Variants in PLAC1 observed in about 807,000 individuals in gnomAD.
The protein encoded by PLAC1 is placenta associated 1.
For synonymous variants in PLAC1, 68 were observed against 62.1 expected (o/e 1.09, Z -0.44); for missense variants, 136 against 163.2 (o/e 0.83, Z 0.91).
At chrX:134,722,860 T>A (rs1461315379) in intron 2 of PLAC1, among the ~76,000 whole-genome samples, 2 of 110,006 alleles carry the variant, frequency 1.8e-5, no homozygotes, top group African/African-American at 6.6e-5. Flanking sequence ...AAATTAGAAA[T>A]AGAATTGATG....
intron 1 of PLAC1, among the ~76,000 whole-genome samples, chrX:134,608,837 G>A (rs754959877): frequency 2.4e-3 from 257 of 108,886 alleles, no homozygotes; most frequent in Non-Finnish European, 4.2e-3. Flanking sequence ...CACCATGTCC[G>A]GCTAATTTTT....
At chrX:134,603,284 TATATATATATATATATATATATATATATA>T (rs1396565201) in intron 1 of PLAC1, among the ~76,000 whole-genome samples, 8 of 2,215 alleles carry the variant, frequency 3.6e-3, no homozygotes, top group African/African-American at 8.2e-3. Flanking sequence ...TATATATATA[TATATATATATATATATATATATATATATA>T]TTTTTTTTTT....
At chrX:134,656,121 A>G (rs1371509809) in intron 1 of PLAC1, among the ~76,000 whole-genome samples, 1 of 112,226 alleles carries the variant, frequency 8.9e-6, no homozygotes, top group Non-Finnish European at 1.9e-5. Context: ...CTGTGAATAT[A>G]GAAAACACAC....
At chrX:134,684,703 G>A (rs748304182) in intron 2 of PLAC1, among the ~76,000 whole-genome samples, 4 of 111,850 alleles carry the variant, frequency 3.6e-5, no homozygotes, top group African/African-American at 1.3e-4. Flanking sequence ...GCAAGGGACT[G>A]TGCAGTTTCC....
intron 2 of PLAC1, among the ~76,000 whole-genome samples, chrX:134,677,532 A>G (rs949638241): frequency 8.1e-5 from 9 of 110,948 alleles, no homozygotes; most frequent in Non-Finnish European, 1.7e-4. Context: ...AAACCATATT[A>G]CCACCTAGAG....
chrX:134,746,097 A>G (rs2078728434), intron 1 of PLAC1, among the ~76,000 whole-genome samples: 1 of 112,450 alleles, frequency 8.9e-6, no homozygotes, highest in East Asian at 2.8e-4. Flanking sequence ...GTTGAGGATA[A>G]CACACATTGA....
chrX:134,586,839 T>TTGTGTGTGTGTA lies in PLAC1; in HGVS notation c.-59+15211_-59+15212insTACACACACACA, dbSNP rs1556045718. Among the ~76,000 whole-genome samples the TTGTGTGTGTGTA allele has an allele frequency of 4.3e-3, 327 of 76,640 alleles. 2 individuals are homozygous for TTGTGTGTGTGTA. The highest frequency in any genetic ancestry group is 0.015 in the African/African-American group (316 of 21,592). 66.6% of individuals were successfully genotyped at this position (76,640 alleles called of 115,157 possible). A position where few individuals can be genotyped will look rare whatever the true frequency, so the allele number is the denominator to read the frequency against. On this transcript the variant is annotated intron_variant, in intron 2 of 2. Coordinates refer to ENST00000359237, the MANE Select transcript of PLAC1 (RefSeq NM_021796.4). ...GTGTGCACTACCACGCCCAGCTAAT[T>TTGTGTGTGTGTA]TGTGTGTGTGTGTGTGTGTGTGTGT...
At chrX:134,574,335 C>T (rs918789181) in intron 2 of PLAC1, among the ~76,000 whole-genome samples, 1 of 112,285 alleles carries the variant, frequency 8.9e-6, no homozygotes, top group African/African-American at 3.2e-5. Context: ...TAATGAATGA[C>T]CACCAGAAAT....
chrX:134,675,322 TC>T (rs1391086367), intron 2 of PLAC1, among the ~76,000 whole-genome samples: 5 of 112,416 alleles, frequency 4.4e-5, no homozygotes, highest in Non-Finnish European at 9.4e-5. Context: ...GATTGCTTTG[TC>T]CCCCCACAGG....
chrX:134,592,948 C>A (rs930172305), intron 2 of PLAC1, among the ~76,000 whole-genome samples: 11 of 109,423 alleles, frequency 1.0e-4, no homozygotes, highest in African/African-American at 3.7e-4. Flanking sequence ...AGGATGGTCT[C>A]GATCTCCTGA....
intron 1 of PLAC1, among the ~76,000 whole-genome samples, chrX:134,629,270 T>C: frequency 1.8e-5 from 2 of 112,071 alleles, no homozygotes. Context: ...GCACTGATGA[T>C]TGCAGCATGC....
At chrX:134,579,519 A>G (rs1485799343) in intron 2 of PLAC1, among the ~76,000 whole-genome samples, 18 of 111,981 alleles carry the variant, frequency 1.6e-4, no homozygotes, top group Non-Finnish European at 1.9e-5. Context: ...GACAGAATCA[A>G]CTTTAAAACT....
At chrX:134,667,758 TA>T (rs200949077) in intron 2 of PLAC1, among the ~76,000 whole-genome samples, 29 of 107,388 alleles carry the variant, frequency 2.7e-4, no homozygotes, top group Middle Eastern at 4.7e-3. Context: ...CCCATCTCTA[TA>T]AAAAAAAAAT....
intron 1 of PLAC1, among the ~76,000 whole-genome samples, chrX:134,638,303 T>C (rs1193131127): frequency 8.9e-6 from 1 of 112,256 alleles, no homozygotes; most frequent in Non-Finnish European, 1.9e-5. Context: ...TGAGATATTA[T>C]TTTATAAAAC....
At position 134,688,305 on chromosome X, in the gene PLAC1, C is replaced by A. The variant is rs143176873; in HGVS notation, n.174+45130G>T. Among the ~76,000 whole-genome samples, 85 of 111,883 alleles carry A rather than the reference C, an allele frequency of 7.6e-4. 1 individual carries two copies. The East Asian group carries it at 0.022, about 29-fold the overall frequency. On this transcript the variant is annotated intron_variant and non_coding_transcript_variant, in intron 2 of 2. Transcript: ENST00000466797. ...ATTCACTGAGCAAGTATGTAACAGA[C>A]AACAGAGCAAATATTGTCCACTCTC...
chrX:134,702,918 T>C (rs2078588469), intron 2 of PLAC1, among the ~76,000 whole-genome samples: 1 of 112,276 alleles, frequency 8.9e-6, no homozygotes, highest in Non-Finnish European at 1.9e-5. Context: ...TTTAAATAAA[T>C]ATTCTGTAAA....
intron 1 of PLAC1, among the ~76,000 whole-genome samples, chrX:134,615,529 A>C (rs1418039464): frequency 8.9e-6 from 1 of 111,777 alleles, no homozygotes; most frequent in Non-Finnish European, 1.9e-5. Flanking sequence ...CCCAATCTGT[A>C]GGCTGCCTTT....
Position 134,685,366 on chromosome X carries a change from C to CTT in PLAC1, n.174+48068_174+48069insAA, listed in dbSNP as rs1223519803. 6.6e-3 allele frequency among the ~76,000 whole-genome samples: 730 copies of CTT among 110,024 alleles called. 5 individuals carry two copies. The highest frequency in any genetic ancestry group is 9.8e-3 in the Non-Finnish European group (519 of 52,783). ...TTAGGTTAGCTCCAAAAATAGTGCC[C>CTT]ACACTGGGTCACAGTCTGTTGAATA... On this transcript the variant is annotated intron_variant and non_coding_transcript_variant, in intron 2 of 2. Coordinates refer to the PLAC1 transcript ENST00000466797.
intron 1 of PLAC1, among the ~76,000 whole-genome samples, chrX:134,634,366 A>C (rs765328622): frequency 8.9e-6 from 1 of 112,103 alleles, no homozygotes; most frequent in African/African-American, 3.2e-5. Context: ...ATTGAGATCT[A>C]AATTACATTC....
Sources: allele counts gnomAD v4.1 joint callset (sites outside exome capture counted in the v4.1 genomes callset), GRCh38; gene constraint gnomAD v4.1.1; transcripts MANE v1.5; gene names NCBI Gene and HGNC (gene_info 2026-07-23, HGNC 2026-07-21).